ALK: variants seen among roughly 807,000 people sequenced by gnomAD.
ALK encodes the protein ALK tyrosine kinase receptor.
A neutral mutation model predicts 163.1 loss-of-function variants in ALK; 74 were observed. The ratio of observed to expected loss-of-function variants is 0.45; its 90% CI spans 0.38 to 0.55. The LOEUF (loss-of-function observed/expected upper bound fraction) is 0.55, where lower values mean the gene tolerates loss of function less well. ALK is among the 20% of genes least tolerant of loss of function. ALK has a pLI of 0.00. For synonymous variants in ALK, 960 were observed against 843.2 expected (o/e 1.14, Z -2.40); for missense variants, 2,063 against 2,105.3 (o/e 0.98, Z 0.39).
At chr2:29,210,509 T>C (rs13403527) in intron 24 of ALK, among the ~76,000 whole-genome samples, 5,342 of 152,258 alleles carry the variant, frequency 0.035, 313 homozygotes, top group African/African-American at 0.12. Context: ...CTTGGCTCAC[T>C]GCAACCTCTG....
At chr2:29,550,054 C>G (rs1234183392) in intron 3 of ALK, among the ~76,000 whole-genome samples, 2 of 152,164 alleles carry the variant, frequency 1.3e-5, no homozygotes, top group African/African-American at 2.4e-5. Flanking sequence ...TAGGACAAGT[C>G]ACATCTCCCT....
intron 3 of ALK, among the ~76,000 whole-genome samples, chr2:29,616,499 T>C (rs1047112632): frequency 6.6e-6 from 1 of 152,204 alleles, no homozygotes; most frequent in Admixed American, 6.5e-5. Flanking sequence ...ATTTGTAATC[T>C]GAGAGACCAA....
chr2:29,846,452 T>G (rs895700440), intron 1 of ALK, among the ~76,000 whole-genome samples: 4 of 152,234 alleles, frequency 2.6e-5, no homozygotes, highest in African/African-American at 7.2e-5. Flanking sequence ...ATTAGCTCCA[T>G]GAGAACAAGA....
intron 4 of ALK, among the ~76,000 whole-genome samples, chr2:29,496,589 T>G (rs1672030298): frequency 6.6e-6 from 1 of 152,228 alleles, no homozygotes; most frequent in African/African-American, 2.4e-5. Flanking sequence ...GAGGAAGAGA[T>G]AACTTTTTCT....
intron 3 of ALK, among the ~76,000 whole-genome samples, chr2:29,684,869 G>C (rs1340324269): frequency 6.6e-6 from 1 of 152,210 alleles, no homozygotes; most frequent in Non-Finnish European, 1.5e-5. Context: ...ACTGGCTTTG[G>C]AGATTTGAAC....
intron 11 of ALK, among the ~76,000 whole-genome samples, chr2:29,266,450 G>A (rs1251907711): frequency 6.6e-6 from 1 of 152,200 alleles, no homozygotes; most frequent in Non-Finnish European, 1.5e-5. Flanking sequence ...CACATGAGGG[G>A]TGAGTGAATT....
intron 4 of ALK, among the ~76,000 whole-genome samples, chr2:29,437,439 G>A (rs1250523903): frequency 6.6e-6 from 1 of 152,140 alleles, no homozygotes; most frequent in East Asian, 1.9e-4. Flanking sequence ...GTTCAGACAA[G>A]GCTTGTCTGA....
At chr2:29,197,209 A>G (rs1455638476) in intron 27 of ALK, among the ~76,000 whole-genome samples, 2 of 152,176 alleles carry the variant, frequency 1.3e-5, no homozygotes, top group African/African-American at 2.4e-5. Context: ...GGGAATGGAA[A>G]TCTTTAAAGT....
intron 1 of ALK, among the ~76,000 whole-genome samples, chr2:29,818,183 G>T (rs1308321487): frequency 1.3e-5 from 2 of 152,162 alleles, no homozygotes; most frequent in Non-Finnish European, 2.9e-5. Context: ...AAACTGACAG[G>T]AGTTTTGATG....
intron 4 of ALK, among the ~76,000 whole-genome samples, chr2:29,433,074 C>T (rs1670318297): frequency 6.6e-6 from 1 of 152,150 alleles, no homozygotes; most frequent in Admixed American, 6.5e-5. Context: ...GAGATAATCC[C>T]TATTTATTTC....
chr2:29,525,854 T>C (rs1672945922), intron 4 of ALK, among the ~76,000 whole-genome samples: 1 of 150,988 alleles, frequency 6.6e-6, no homozygotes, highest in Non-Finnish European at 1.5e-5. Flanking sequence ...AAATGTGTAG[T>C]TCTCACTTGT....
chr2:29,371,212 A>AAAT (rs1378617060), intron 5 of ALK, among the ~76,000 whole-genome samples: 1 of 152,254 alleles, frequency 6.6e-6, no homozygotes, highest in East Asian at 1.9e-4. Flanking sequence ...CAGAAGGGCA[A>AAAT]AATAAAGTTC....
chr2:29,704,196 T>C (rs1678831293), intron 2 of ALK, among the ~76,000 whole-genome samples: 1 of 152,208 alleles, frequency 6.6e-6, no homozygotes, highest in Non-Finnish European at 1.5e-5. Flanking sequence ...TTTCATTAAA[T>C]GGAACCCCAG....
At chr2:29,571,541 T>C (rs954323698) in intron 3 of ALK, among the ~76,000 whole-genome samples, 2 of 150,794 alleles carry the variant, frequency 1.3e-5, no homozygotes, top group African/African-American at 4.9e-5. Context: ...TCCCCAGCCA[T>C]GTGGAACTGT....
chr2:29,741,769 T>C (rs1680066759), intron 1 of ALK, among the ~76,000 whole-genome samples: 3 of 152,150 alleles, frequency 2.0e-5, no homozygotes, highest in African/African-American at 4.8e-5. Context: ...CAAAAGTCTC[T>C]GGGGCAAGTT....
chr2:29,743,259 C>G (rs972052708), intron 1 of ALK, among the ~76,000 whole-genome samples: 14 of 152,184 alleles, frequency 9.2e-5, no homozygotes, highest in Non-Finnish European at 4.4e-5. Context: ...AAAGCTTACC[C>G]AGAAGTTTCC....
intron 3 of ALK, among the ~76,000 whole-genome samples, chr2:29,641,891 T>C (rs189326889): frequency 1.8e-4 from 27 of 152,328 alleles, no homozygotes; most frequent in Admixed American, 2.6e-4. Flanking sequence ...AGTTTTGCTA[T>C]CCCTAATGGG....
intron 15 of ALK, among the ~76,000 whole-genome samples, chr2:29,229,299 C>T (rs2148180935): frequency 6.6e-6 from 1 of 152,238 alleles, no homozygotes; most frequent in Non-Finnish European, 1.5e-5. Context: ...TGAGAGCGTG[C>T]CTTGTACCCC....
intron 15 of ALK, among the ~76,000 whole-genome samples, chr2:29,230,442 T>C (rs989683227): frequency 7.2e-5 from 11 of 152,122 alleles, no homozygotes; most frequent in African/African-American, 2.2e-4. Context: ...AAATTGATGG[T>C]GGAAGGCAGA....
Sources: allele counts gnomAD v4.1 joint callset (sites outside exome capture counted in the v4.1 genomes callset), GRCh38; gene constraint gnomAD v4.1.1; transcripts MANE v1.5; gene names NCBI Gene and HGNC (gene_info 2026-07-23, HGNC 2026-07-21).